DNAH5: variants seen among roughly 807,000 people sequenced by gnomAD.
The protein encoded by DNAH5 is dynein axonemal heavy chain 5.
DNAH5 carries 372 observed loss-of-function variants against 518.2 expected under a neutral mutation model. The ratio of observed to expected loss-of-function variants is 0.72; its 90% confidence interval spans 0.66 to 0.78. The LOEUF (loss-of-function observed/expected upper bound fraction) is 0.78. Among genes scored for constraint, DNAH5 ranks in the 30% least tolerant of loss-of-function variants. DNAH5 has a pLI of 0.00. For synonymous variants in DNAH5, 2,039 were observed against 2,025.9 expected (o/e 1.01, Z -0.17); for missense variants, 5,523 against 5,687.0 (o/e 0.97, Z 0.93).
At chr5:13,830,282 A>T (rs781734055) in intron 36 of DNAH5, 69 bp from the exon 37 acceptor site, 143 of 1,388,126 alleles carry the variant, frequency 1.0e-4, no homozygotes, top group Admixed American at 5.3e-4. Context: ...AAAGGATATT[A>T]TGTAGCTGCT....
At chr5:13,730,472 T>C (rs1349019569) in intron 68 of DNAH5, among the ~76,000 whole-genome samples, 1 of 152,224 alleles carries the variant, frequency 6.6e-6, no homozygotes, top group Non-Finnish European at 1.5e-5. Flanking sequence ...TCTCGTTCTG[T>C]AGCCCAGGCT....
chr5:13,917,218 A>C lies in DNAH5; in HGVS notation c.1014T>G (p.Thr338=), dbSNP rs749523614. ...ATTTCACATTGTCCTTTGCTTCATT[A>C]GTTGCATCAGTGATTCGAATATCCA... ...REMDIRITDA[T]NEAKDNVKYL... is the part of the protein sequence containing the mutation. The change falls in exon 8 of 79, where the codon ACT becomes ACG. Residue 338 remains threonine (T), a synonymous_variant. Coordinates refer to ENST00000265104, the MANE Select transcript of DNAH5 (RefSeq NM_001369.3). 1.9e-5 allele frequency: 30 copies of C among 1,613,882 alleles called. No homozygotes were observed. The highest frequency in any genetic ancestry group is 2.5e-5 in the Non-Finnish European group (30 of 1,179,970).
intron 19 of DNAH5, among the ~76,000 whole-genome samples, chr5:13,883,525 C>T (rs1230297528): frequency 6.6e-6 from 1 of 152,066 alleles, no homozygotes; most frequent in East Asian, 1.9e-4. Context: ...AAATCATAGG[C>T]CTTTCCTACC....
chr5:13,715,121 C>G (rs1561098098), intron 74 of DNAH5, among the ~76,000 whole-genome samples: 1 of 152,054 alleles, frequency 6.6e-6, no homozygotes, highest in Non-Finnish European at 1.5e-5. Flanking sequence ...GAGAAAGCAA[C>G]AGAGTCAGAG....
chr5:13,744,613 C>G (rs143853441), intron 65 of DNAH5, among the ~76,000 whole-genome samples: 17 of 152,044 alleles, frequency 1.1e-4, no homozygotes, highest in African/African-American at 3.9e-4. Context: ...TGTACAATTA[C>G]TATATGTCAA....
intron 1 of DNAH5, among the ~76,000 whole-genome samples, chr5:13,942,416 T>G (rs1269215121): frequency 6.6e-6 from 1 of 152,210 alleles, no homozygotes; most frequent in Non-Finnish European, 1.5e-5. Context: ...TTTTCGATCA[T>G]GAAGTTATAA....
At chr5:13,992,408 C>A (rs1013846359) in intron 1 of DNAH5, among the ~76,000 whole-genome samples, 1 of 152,212 alleles carries the variant, frequency 6.6e-6, no homozygotes, top group Admixed American at 6.5e-5. Context: ...CATGAGCTCT[C>A]TTTTCAGAAT....
intron 1 of DNAH5, among the ~76,000 whole-genome samples, chr5:13,972,320 A>G (rs1054812347): frequency 2.6e-5 from 4 of 151,686 alleles, no homozygotes; most frequent in Non-Finnish European, 5.9e-5. Flanking sequence ...TCATAGCTAC[A>G]CTCCCTGTTC....
Position 13,809,136 on chromosome 5 carries a change from C to A in DNAH5, c.7660G>T (p.Asp2554Tyr), listed in dbSNP as rs774033526. Reference protein sequence around the residue: ...TRTQEYLYPSDTTPEYGSILV... With the variant: ...TRTQEYLYPSYTTPEYGSILV... ...ATAGAACCATACTCTGGGGTGGTAT[C>A]AGACGGATACAGGTATTCCTGGGTA... The change falls in exon 46 of 79, where the codon GAT (aspartate) becomes TAT (tyrosine). Residue 2554 changes from aspartate to tyrosine, a missense_variant. Transcript: ENST00000265104. 6.2e-7 allele frequency: 1 copy of A among 1,614,176 alleles called. No homozygotes were observed. Among genetic ancestry groups the A allele is most frequent in the Non-Finnish European group, 8.5e-7 (1 of 1,180,030 alleles).
Position 13,786,253 on chromosome 5 carries a change from G to C in DNAH5, c.8746C>G (p.Leu2916Val), listed in dbSNP as rs373025050. ...GCGCCACGGATGCTCTCATTATAGA[G>C]CTGCAGGAACATATTCAGACGCTCT... ...LKERLNMFLQLYNESIRGAGM... is the reference protein window; with the variant it reads ...LKERLNMFLQVYNESIRGAGM... Residue 2916 changes from leucine to valine, a missense_variant, in exon 52 of 79, where the codon CTC (leucine) becomes GTC (valine). Leu to Val is a conservative substitution (Grantham distance 32). This residue lies in a region of DNAH5 where 5,121 missense variants were observed against 5,223.3 expected (regional missense o/e 0.98). Coordinates refer to ENST00000265104, the MANE Select transcript of DNAH5 (RefSeq NM_001369.3). The C allele has an allele frequency of 3.2e-5, 52 of 1,614,040 alleles. No homozygotes were observed. In the African/African-American group the frequency reaches 5.1e-4, roughly 16 times the overall value.
intron 59 of DNAH5, among the ~76,000 whole-genome samples, chr5:13,765,528 A>T (rs1223320413): frequency 6.6e-6 from 1 of 152,076 alleles, no homozygotes; most frequent in Non-Finnish European, 1.5e-5. Context: ...GAAAATATAT[A>T]TTTTTCTTCC....
intron 34 of DNAH5, 49 bp from the exon 35 acceptor site, chr5:13,839,577 A>G: frequency 6.8e-7 from 1 of 1,464,124 alleles, no homozygotes; most frequent in South Asian, 1.1e-5. Context: ...ATCACTCATT[A>G]AATATACACG....
chr5:14,011,185 T>C (rs1260837022), intron 1 of DNAH5, among the ~76,000 whole-genome samples: 1 of 152,166 alleles, frequency 6.6e-6, no homozygotes, highest in East Asian at 1.9e-4. Context: ...CATTCGCTTC[T>C]GTCCAAACCC....
chr5:13,871,106 C>T, intron 23 of DNAH5, 104 bp from the exon 24 acceptor site: 1 of 777,974 alleles, frequency 1.3e-6, no homozygotes, highest in South Asian at 1.9e-5. Context: ...TAGCTTATTG[C>T]CCTCTAACCC....
At chr5:13,960,438 C>T (rs553821236) in intron 1 of DNAH5, among the ~76,000 whole-genome samples, 46 of 152,170 alleles carry the variant, frequency 3.0e-4, no homozygotes, top group Non-Finnish European at 5.4e-4. Context: ...GGCTCATGTG[C>T]AAAAACTGGC....
Position 13,762,768 on chromosome 5 carries a change from G to C in DNAH5, c.10235C>G (p.Ala3412Gly). 1.2e-6 allele frequency: 2 copies of C among 1,614,146 alleles called. No homozygotes were observed. Among genetic ancestry groups the C allele is most frequent in the Non-Finnish European group, 1.7e-6 (2 of 1,180,006 alleles). ...NVAGLCSWTK[A>G]MASFFSINKE... ...GTTTATAGAAAAGAAGGAAGCCATA[G>C]CTTTCGTCCAGGAACAAAGACCAGC... Residue 3412 changes from alanine (A) to glycine (G), a missense_variant, in exon 60 of 79, where the codon GCT becomes GGT. This residue lies in a region of DNAH5 where 5,121 missense variants were observed against 5,223.3 expected (regional missense o/e 0.98). Transcript: ENST00000265104.
In DNAH5 at chr5:13,911,389, A is replaced by G. The variant is rs751970542; in HGVS notation, c.1641T>C (p.Leu547=). ...GGAATTTTATTATACAACCTACATG[A>G]AGGTCATTAGTCTGCTTGCAAAACT... is the stretch of plus-strand genomic sequence containing the variant. ...YEEFCKQTND[L]HNELRKFMDV... is the part of the protein sequence containing the mutation. Residue 547 remains leucine (L), a synonymous_variant, in exon 12 of 79, where the codon CTT becomes CTC. Transcript: ENST00000265104. 4 of 1,611,870 alleles carry G rather than the reference A, an allele frequency of 2.5e-6. No individual in the cohort carries two copies. Among genetic ancestry groups the G allele is most frequent in the Non-Finnish European group, 3.4e-6 (4 of 1,178,074 alleles).
chr5:13,928,203 A>G, intron 2 of DNAH5, 25 bp from the exon 3 acceptor site: 1 of 1,560,516 alleles, frequency 6.4e-7, no homozygotes, highest in South Asian at 1.1e-5. Context: ...AAGGCAAGAT[A>G]ATGATTTTCA....
intron 60 of DNAH5, among the ~76,000 whole-genome samples, chr5:13,762,269 G>A (rs181752127): frequency 3.0e-4 from 46 of 152,286 alleles, no homozygotes; most frequent in African/African-American, 9.4e-4. Context: ...AAATGGAAAA[G>A]GGAGGAATAC....
Sources: gnomAD v4.1 joint callset for allele counts (sites outside exome capture counted in the v4.1 genomes callset) on GRCh38, gnomAD v4.1.1 for gene constraint, gnomAD v4.1.1 regional missense constraint, MANE v1.5 for transcripts, NCBI Gene and HGNC (gene_info 2026-07-23, HGNC 2026-07-21) for gene names.